The following ARHGAP15 variants were observed in gnomAD, a reference collection of about 807,000 sequenced individuals.
ARHGAP15 encodes rho GTPase-activating protein 15.
Under a neutral mutation model 63.7 loss-of-function variants are expected in ARHGAP15, and 51 were observed. The observed-to-expected ratio is 0.80, with a 90% CI of 0.64 to 1.01. The LOEUF is 1.01. ARHGAP15 is among the 50% of genes least tolerant of loss of function. The pLI is 0.00. For synonymous variants in ARHGAP15, 191 were observed against 193.8 expected (o/e 0.99, Z 0.12); for missense variants, 560 against 564.6 (o/e 0.99, Z 0.08).
intron 2 of ARHGAP15, among the ~76,000 whole-genome samples, chr2:143,160,660 C>T (rs1020935489): frequency 6.6e-6 from 1 of 151,964 alleles, no homozygotes; most frequent in Non-Finnish European, 1.5e-5. Flanking sequence ...ATTTTGCAGA[C>T]ATGCTGTAGA....
chr2:143,553,772 G>C (rs1407220506), intron 10 of ARHGAP15, among the ~76,000 whole-genome samples: 1 of 152,054 alleles, frequency 6.6e-6, no homozygotes, highest in Non-Finnish European at 1.5e-5. Context: ...TTCTTATATT[G>C]TAACACTCTA....
intron 8 of ARHGAP15, among the ~76,000 whole-genome samples, chr2:143,474,011 G>A (rs537336473): frequency 5.9e-5 from 9 of 152,212 alleles, no homozygotes; most frequent in Admixed American, 3.9e-4. Flanking sequence ...CAGAGGGGTT[G>A]GAATTTGGCG....
chr2:143,669,390 G>A (rs1257218319), intron 12 of ARHGAP15, among the ~76,000 whole-genome samples: 1 of 152,150 alleles, frequency 6.6e-6, no homozygotes, highest in Non-Finnish European at 1.5e-5. Context: ...AACCCAGTGA[G>A]GAAAGCACAA....
At chr2:143,552,224 G>A (rs1695597381) in intron 10 of ARHGAP15, among the ~76,000 whole-genome samples, 2 of 152,152 alleles carry the variant, frequency 1.3e-5, no homozygotes, top group Non-Finnish European at 1.5e-5. Flanking sequence ...TTTGTTATGG[G>A]TTAGAAAAAC....
intron 2 of ARHGAP15, among the ~76,000 whole-genome samples, chr2:143,182,738 A>G (rs920783379): frequency 4.6e-5 from 7 of 152,168 alleles, no homozygotes; most frequent in African/African-American, 1.4e-4. Flanking sequence ...CAACAGCTGG[A>G]CTAGGTGCCT....
chr2:143,745,480 C>T (rs574825305), intron 13 of ARHGAP15, among the ~76,000 whole-genome samples: 42 of 152,184 alleles, frequency 2.8e-4, no homozygotes, highest in Non-Finnish European at 5.7e-4. Flanking sequence ...TAGACACACC[C>T]TCATGCTTCC....
At chr2:143,129,875 T>A (rs906626662) in intron 1 of ARHGAP15, among the ~76,000 whole-genome samples, 1 of 152,090 alleles carries the variant, frequency 6.6e-6, no homozygotes, top group Non-Finnish European at 1.5e-5. Context: ...CAATGAGAAA[T>A]AGCTTGAATT....
chr2:143,282,756 G>A, intron 6 of ARHGAP15, among the ~76,000 whole-genome samples: 1 of 152,104 alleles, frequency 6.6e-6, no homozygotes, highest in East Asian at 1.9e-4. Context: ...ATAAATTACA[G>A]AGCCAAAATT....
intron 11 of ARHGAP15, among the ~76,000 whole-genome samples, chr2:143,585,178 T>C (rs1359873136): frequency 6.6e-6 from 1 of 152,174 alleles, no homozygotes; most frequent in Non-Finnish European, 1.5e-5. Context: ...CCATGCCGTT[T>C]CTTGTAATTG....
intron 6 of ARHGAP15, among the ~76,000 whole-genome samples, chr2:143,419,461 T>TATCATGACAAAAGGTGGAAAC: frequency 6.6e-6 from 1 of 151,994 alleles, no homozygotes; most frequent in Non-Finnish European, 1.5e-5. Context: ...TGGGTTTATT[T>TATCATGACAAAAGGTGGAAAC]AACTAAATTG....
At chr2:143,335,208 A>C (rs1684719024) in intron 6 of ARHGAP15, among the ~76,000 whole-genome samples, 1 of 152,192 alleles carries the variant, frequency 6.6e-6, no homozygotes, top group Non-Finnish European at 1.5e-5. Context: ...ACTTTGAGAA[A>C]TACTGATCTT....
chr2:143,461,044 C>T (rs1690906825), intron 8 of ARHGAP15, among the ~76,000 whole-genome samples: 1 of 151,916 alleles, frequency 6.6e-6, no homozygotes, highest in Non-Finnish European at 1.5e-5. Flanking sequence ...AATCCCAACA[C>T]TTTGAGAGGC....
chr2:143,531,528 A>G (rs553058649), intron 10 of ARHGAP15, among the ~76,000 whole-genome samples: 18 of 152,212 alleles, frequency 1.2e-4, no homozygotes, highest in Non-Finnish European at 2.6e-4. Context: ...ACTTTTTTTC[A>G]GTTGTATCCA....
intron 6 of ARHGAP15, among the ~76,000 whole-genome samples, chr2:143,297,481 T>C (rs1366465125): frequency 3.3e-5 from 5 of 152,002 alleles, no homozygotes; most frequent in African/African-American, 1.2e-4. Flanking sequence ...GCCTGTTGTC[T>C]GGTCATGGTT....
intron 6 of ARHGAP15, among the ~76,000 whole-genome samples, chr2:143,346,784 C>T (rs927434299): frequency 6.6e-6 from 1 of 151,882 alleles, no homozygotes; most frequent in Non-Finnish European, 1.5e-5. Context: ...TGATATAACC[C>T]TTAAATTGTA....
At chr2:143,446,416 C>T (rs1690140317) in intron 8 of ARHGAP15, among the ~76,000 whole-genome samples, 1 of 151,900 alleles carries the variant, frequency 6.6e-6, no homozygotes, top group Non-Finnish European at 1.5e-5. Context: ...CAAAATGCAG[C>T]ATAAACAAAT....
chr2:143,200,417 C>A (rs1289259304), intron 2 of ARHGAP15, among the ~76,000 whole-genome samples: 1 of 145,206 alleles, frequency 6.9e-6, no homozygotes, highest in Non-Finnish European at 1.5e-5. Context: ...AAAATCTTCA[C>A]AGACATTGAT....
intron 11 of ARHGAP15, among the ~76,000 whole-genome samples, chr2:143,581,374 ACCCCACAGCCCCATAG>A (rs371946011): frequency 2.0e-5 from 3 of 151,832 alleles, no homozygotes; most frequent in African/African-American, 4.8e-5. Flanking sequence ...GTGCCCTTCC[ACCCCACAGCCCCATAG>A]CCCCACAGCC....
rs187989937 is a variant in ARHGAP15, at chr2:143,588,411, G to C, written c.1003+31926G>C. On this transcript the variant is annotated intron_variant, in intron 11 of 13. Coordinates refer to ENST00000295095, the MANE Select transcript of ARHGAP15 (RefSeq NM_018460.4). ...CCAGGAGACATGTGCAGAACGTGAG[G>C]TTTGCTGCATAGGTATACATGTGCC... is the stretch of plus-strand genomic sequence containing the variant. Among the ~76,000 whole-genome samples, 8 of 152,110 alleles carry C rather than the reference G, an allele frequency of 5.3e-5. No individual in the cohort carries two copies. In the East Asian group the frequency reaches 1.2e-3, roughly 22 times the overall value.
Sources: gnomAD v4.1 joint callset for allele counts (sites outside exome capture counted in the v4.1 genomes callset) on GRCh38, gnomAD v4.1.1 for gene constraint, MANE v1.5 for transcripts, NCBI Gene and HGNC (gene_info 2026-07-23, HGNC 2026-07-21) for gene names.